The following GALNT10 variants were observed in gnomAD, a reference collection of about 807,000 sequenced individuals.
GALNT10 encodes the protein GalNAc transferase 10.
Under a neutral mutation model 75.0 loss-of-function variants are expected in GALNT10, and 41 were observed. The observed-to-expected ratio is 0.55, with a 90% CI of 0.43 to 0.71. The LOEUF (loss-of-function observed/expected upper bound fraction) is 0.71. Among genes scored for constraint, GALNT10 ranks in the 30% least tolerant of loss-of-function variants. The pLI is 0.00. For synonymous variants in GALNT10, 302 were observed against 313.0 expected, an observed-to-expected ratio of 0.96 and a Z score of 0.37; for missense variants, 727 against 818.5, an observed-to-expected ratio of 0.89 and a Z score of 1.36.
intron 1 of GALNT10, among the ~76,000 whole-genome samples, chr5:154,267,715 G>C (rs1411555662): frequency 6.6e-6 from 1 of 152,062 alleles, no homozygotes; most frequent in Non-Finnish European, 1.5e-5. Context: ...CTAACTCTAA[G>C]ACACTAGGTT....
At chr5:154,197,788 T>A (rs1209639280) in intron 1 of GALNT10, among the ~76,000 whole-genome samples, 2 of 152,240 alleles carry the variant, frequency 1.3e-5, no homozygotes, top group African/African-American at 4.8e-5. Context: ...CCTGTACATC[T>A]GTTAAATATT....
chr5:154,387,324 G>A (rs527563292), intron 7 of GALNT10: 7 of 152,344 alleles, frequency 4.6e-5, no homozygotes, highest in African/African-American at 1.7e-4. Context: ...CCTTCTGAGG[G>A]GAGGGTTAGC....
intron 3 of GALNT10, among the ~76,000 whole-genome samples, chr5:154,299,880 G>A (rs1754336065): frequency 6.7e-6 from 1 of 149,000 alleles, no homozygotes; most frequent in Admixed American, 6.7e-5. Context: ...TATCACCCAG[G>A]CTGGAGTGCA....
chr5:154,394,043 G>A (rs1441241345), intron 7 of GALNT10, among the ~76,000 whole-genome samples: 3 of 152,186 alleles, frequency 2.0e-5, no homozygotes, highest in Non-Finnish European at 4.4e-5. Context: ...AAGAGGCAGA[G>A]GTGGGCCCCA....
At chr5:154,377,078 G>C (rs1755660952) in intron 5 of GALNT10, among the ~76,000 whole-genome samples, 2 of 152,294 alleles carry the variant, frequency 1.3e-5, no homozygotes, top group South Asian at 4.1e-4. Context: ...TTTTAAATAA[G>C]AGTTCCTGGC....
In GALNT10 at chr5:154,394,905, G is replaced by A. The variant is rs555274320; in HGVS notation, c.1056+8475G>A. 9.9e-5 allele frequency among the ~76,000 whole-genome samples: 15 copies of A among 152,276 alleles called. No homozygotes were observed. In the South Asian group the frequency reaches 2.7e-3, roughly 27 times the overall value. On this transcript the variant is annotated intron_variant, in intron 7 of 11. Transcript: ENST00000297107. ...TGATACATGCAGCATTTTCGTCCTG[G>A]GGCCACATATGCCCAGCCTTTGCAA...
chr5:154,286,382 T>TTTG lies in GALNT10; in HGVS notation c.160-8431_160-8429dup, dbSNP rs796600078. On this transcript the variant is annotated intron_variant, in intron 1 of 11. Transcript: ENST00000297107. ...TTATCAAATTATTGATCAGAGTCGA[T>TTTG]TTGTTTTTTTTTTTTTTTCCCAGTG... 2.9e-3 allele frequency among the ~76,000 whole-genome samples: 384 copies of TTTG among 134,696 alleles called. 1 individual carries two copies. The highest frequency in any genetic ancestry group is 0.011 in the African/African-American group (348 of 33,002). The allele number at this position is 134,696 out of a possible 152,430, so 88.4% of individuals were successfully genotyped here.
chr5:154,253,309 G>A (rs998129763), intron 1 of GALNT10, among the ~76,000 whole-genome samples: 13 of 145,542 alleles, frequency 8.9e-5, no homozygotes, highest in Non-Finnish European at 1.9e-4. Context: ...ACCAAACACC[G>A]CATATTCTCA....
intron 3 of GALNT10, among the ~76,000 whole-genome samples, chr5:154,306,652 A>G (rs1173781673): frequency 1.3e-5 from 2 of 152,170 alleles, no homozygotes; most frequent in Non-Finnish European, 2.9e-5. Flanking sequence ...CACAGTAAAC[A>G]GAAGAAAGGA....
chr5:154,380,542 C>G lies in GALNT10; in HGVS notation c.849C>G (p.Ala283=), dbSNP rs1364445769. The change falls in exon 6 of 12, where the codon GCC becomes GCG. Residue 283 remains alanine (A), a synonymous_variant. Coordinates refer to ENST00000297107, the MANE Select transcript of GALNT10 (RefSeq NM_198321.4). ...GGTACGAGACACAGGCAGGGGATGC[C>G]ATGCGGGGAGCCTTTGACTGGGAGA... ...DFRYETQAGD[A]MRGAFDWEMY... The G allele has an allele frequency of 6.2e-7, 1 of 1,613,760 alleles. No homozygotes were observed. The highest frequency in any genetic ancestry group is 1.7e-5 in the Admixed American group (1 of 60,014).
chr5:154,246,745 C>G (rs890378886), intron 1 of GALNT10, among the ~76,000 whole-genome samples: 4 of 152,014 alleles, frequency 2.6e-5, no homozygotes, highest in African/African-American at 9.7e-5. Flanking sequence ...AACATTTTCT[C>G]CCATTCTGTA....
rs866142504 is a variant in GALNT10 at position 154,391,963 on chromosome 5, T to C, written c.1056+5533T>C. Among the ~76,000 whole-genome samples, 32 of 152,256 alleles carry C rather than the reference T, an allele frequency of 2.1e-4. No individual in the cohort carries two copies. In the Middle Eastern group the frequency reaches 0.01, roughly 49 times the overall value. On this transcript the variant is annotated intron_variant, in intron 7 of 11. Transcript: ENST00000297107. ...CATCCCTGAACAATACTGCAATTGG[T>C]CACCTGCAGTCACATGCCCTGTGAC...
chr5:154,401,214 C>T (rs1756155156), intron 7 of GALNT10, among the ~76,000 whole-genome samples: 1 of 152,364 alleles, frequency 6.6e-6, no homozygotes, highest in Non-Finnish European at 1.5e-5. Context: ...CATCCACCTG[C>T]ATAAAGTTAG....
chr5:154,373,468 A>G (rs879319126), intron 4 of GALNT10, among the ~76,000 whole-genome samples: 5 of 152,154 alleles, frequency 3.3e-5, no homozygotes, highest in Admixed American at 1.3e-4. Flanking sequence ...TTTATAAACT[A>G]TGTTCCTTGA....
rs1582023338 is a variant in GALNT10 at position 154,416,488 on chromosome 5, C to T, written c.1654-326C>T. Among the ~76,000 whole-genome samples, 1 of 141,344 alleles carries T rather than the reference C, an allele frequency of 7.1e-6. No homozygotes were observed. The highest frequency in any genetic ancestry group is 2.2e-4 in the South Asian group (1 of 4,534). 92.7% of individuals were successfully genotyped at this position (141,344 alleles called of 152,430 possible). A position where few individuals can be genotyped will look rare whatever the true frequency, so the allele number is the denominator to read the frequency against. Reference sequence around the variant, plus strand: ...GATAAAAGGAAAGCACATACACACACACACACACACACACACACACACACA... The same window carrying T: ...GATAAAAGGAAAGCACATACACACATACACACACACACACACACACACACA... On this transcript the variant is annotated intron_variant, in intron 11 of 11. Transcript: ENST00000297107. This position sits in a 1 kb window ranked among gnomAD's most constrained non-coding sequence, Gnocchi z 4.5.
chr5:154,292,676 ATTTG>A (rs1009945297), intron 1 of GALNT10, among the ~76,000 whole-genome samples: 7 of 152,034 alleles, frequency 4.6e-5, no homozygotes, highest in African/African-American at 1.7e-4. Context: ...TTCCAGATAT[ATTTG>A]TTTGCTTGTG....
At chr5:154,270,536 C>T (rs768631502) in intron 1 of GALNT10, among the ~76,000 whole-genome samples, 2 of 152,000 alleles carry the variant, frequency 1.3e-5, no homozygotes, top group East Asian at 1.9e-4. Context: ...GTTCAGAGGA[C>T]GATGATGAGC....
chr5:154,244,331 C>T (rs943500865), intron 1 of GALNT10, among the ~76,000 whole-genome samples: 1 of 151,974 alleles, frequency 6.6e-6, no homozygotes, highest in Non-Finnish European at 1.5e-5. Flanking sequence ...CTTTCAGAGG[C>T]TCAGGTGGGA....
intron 1 of GALNT10, among the ~76,000 whole-genome samples, chr5:154,221,511 G>C (rs954833739): frequency 6.6e-6 from 1 of 152,178 alleles, no homozygotes; most frequent in Non-Finnish European, 1.5e-5. Context: ...ATTCCCCAAG[G>C]ATCTGTGTCT....
Sources: gnomAD v4.1 joint callset for allele counts (sites outside exome capture counted in the v4.1 genomes callset) on GRCh38, gnomAD v4.1.1 for gene constraint, Gnocchi (gnomAD v3.1) non-coding constraint, MANE v1.5 for transcripts, NCBI Gene and HGNC (gene_info 2026-07-23, HGNC 2026-07-21) for gene names.